GLUD1: variants seen among roughly 807,000 people sequenced by gnomAD.
GLUD1 encodes the protein glutamate dehydrogenase 1.
GLUD1 carries 22 observed loss-of-function variants against 56.0 expected under a neutral mutation model. The observed-to-expected ratio is 0.39, with a 90% CI of 0.28 to 0.56. The LOEUF is 0.56. Among genes scored for constraint, GLUD1 ranks in the 20% least tolerant of loss-of-function variants. The pLI is 0.58. For synonymous variants in GLUD1, 223 were observed against 269.9 expected (o/e 0.83, Z 1.70); for missense variants, 451 against 732.0 (o/e 0.62, Z 4.43).
chr10:87,059,196 G>A lies in GLUD1; in HGVS notation c.1356C>T (p.Gly452=). ...WLKNLNHVSY[G]RLTFKYERDS... ...CCCTTTCATATTTGAAGGTCAAACGGCCATAGCTGACATGATTTAGATTCT... is the reference window on the plus strand; with the variant it reads ...CCCTTTCATATTTGAAGGTCAAACGACCATAGCTGACATGATTTAGATTCT... Residue 452 remains glycine, a synonymous_variant, in exon 10 of 13, where the codon GGC becomes GGT. Coordinates refer to ENST00000277865, the MANE Select transcript of GLUD1 (RefSeq NM_005271.5). 6.2e-7 allele frequency: 1 copy of A among 1,613,718 alleles called. No homozygotes were observed. The highest frequency in any genetic ancestry group is 8.5e-7 in the Non-Finnish European group (1 of 1,179,924).
At chr10:87,084,212 A>T (rs1841330811) in intron 1 of GLUD1, among the ~76,000 whole-genome samples, 1 of 152,254 alleles carries the variant, frequency 6.6e-6, no homozygotes, top group Non-Finnish European at 1.5e-5. Context: ...CTTTTAAATC[A>T]TTCCTTCTAT....
At chr10:87,065,925 G>A (rs1564768942) in intron 5 of GLUD1, among the ~76,000 whole-genome samples, 1 of 152,132 alleles carries the variant, frequency 6.6e-6, no homozygotes, top group African/African-American at 2.4e-5. Flanking sequence ...CAGGTGGTCT[G>A]CCCATGTTCC....
At chr10:87,061,691 A>T (rs1442189104) in intron 6 of GLUD1, among the ~76,000 whole-genome samples, 1 of 151,406 alleles carries the variant, frequency 6.6e-6, no homozygotes, top group Non-Finnish European at 1.5e-5. Context: ...ATCTTGGCTC[A>T]CTGCAGCCTC....
chr10:87,064,148 C>T (rs1485421713), intron 5 of GLUD1, among the ~76,000 whole-genome samples: 6 of 152,052 alleles, frequency 3.9e-5, no homozygotes, highest in African/African-American at 1.2e-4. Context: ...CTCCTGACCT[C>T]GTGATCCACC....
At chr10:87,081,467 C>T (rs1359666751) in intron 1 of GLUD1, among the ~76,000 whole-genome samples, 5 of 152,178 alleles carry the variant, frequency 3.3e-5, no homozygotes, top group Non-Finnish European at 5.9e-5. Flanking sequence ...TCACTGAGAA[C>T]GGGCCATGAT....
chr10:87,069,088 CA>C lies in GLUD1; in HGVS notation c.647-932del, dbSNP rs1846151948. Among the ~76,000 whole-genome samples, 5 of 152,028 alleles carry C rather than the reference CA, an allele frequency of 3.3e-5. 1 individual carries two copies. In the South Asian group the frequency reaches 1.0e-3, roughly 32 times the overall value. ...CATATGGAAAAAGGCAGGTTTCATA[CA>C]GCATGTATAACATGTTCCCACTTAT... On this transcript the variant is annotated intron_variant, in intron 4 of 12. Transcript: ENST00000277865.
At chr10:87,052,860 C>T (rs1438779802) in intron 12 of GLUD1, among the ~76,000 whole-genome samples, 1 of 152,120 alleles carries the variant, frequency 6.6e-6, no homozygotes, top group African/African-American at 2.4e-5. Flanking sequence ...CCACCTTCTT[C>T]ACCAATATCT....
intron 11 of GLUD1, among the ~76,000 whole-genome samples, chr10:87,055,033 T>TAATCACTCAG (rs1845729827): frequency 6.6e-6 from 1 of 152,120 alleles, no homozygotes; most frequent in Non-Finnish European, 1.5e-5. Context: ...GGAGAAAATG[T>TAATCACTCAG]GATGTAATCA....
At chr10:87,093,239 G>C (rs372623423) in intron 1 of GLUD1, among the ~76,000 whole-genome samples, 1 of 152,140 alleles carries the variant, frequency 6.6e-6, no homozygotes, top group Admixed American at 6.5e-5. Context: ...CTGAGACATG[G>C]GTCTAGCCCA....
At chr10:87,067,866 C>A in intron 5 of GLUD1, 197 bp downstream of exon 5, 1 of 566,890 alleles carries the variant, frequency 1.8e-6, no homozygotes, top group Non-Finnish European at 3.2e-6. Flanking sequence ...AAGTATAGGG[C>A]AGCATATAAG....
chr10:87,060,603 G>A, intron 8 of GLUD1, 85 bp downstream of exon 8: 1 of 1,524,794 alleles, frequency 6.6e-7, no homozygotes, highest in Non-Finnish European at 9.1e-7. Flanking sequence ...TAAAAAGAAA[G>A]AGAAAACTCA....
intron 4 of GLUD1, among the ~76,000 whole-genome samples, chr10:87,069,514 C>CAAAAAAAAAAAAAAA (rs374019349): frequency 1.6e-5 from 1 of 62,620 alleles, no homozygotes; most frequent in Non-Finnish European, 3.3e-5. Context: ...GACTCTGTTT[C>CAAAAAAAAAAAAAAA]AAAAAAAAAA....
At chr10:87,070,459 G>C (rs1846201126) in intron 4 of GLUD1, among the ~76,000 whole-genome samples, 1 of 152,042 alleles carries the variant, frequency 6.6e-6, no homozygotes, top group South Asian at 2.1e-4. Context: ...ATTAGCTGGG[G>C]GTGGAGGCAC....
In GLUD1 at chr10:87,063,232, C is replaced by A. The variant is rs147488031; in HGVS notation, c.742-397G>T. Among the ~76,000 whole-genome samples the A allele has an allele frequency of 2.8e-3, 420 of 152,132 alleles. 4 individuals carry two copies. Among genetic ancestry groups the A allele is most frequent in the Middle Eastern group, 0.01 (3 of 294 alleles). ...GGTATTCCAGGCACGTGCCACCACG[C>A]CCGGCTAATTTTGTGTTTTTAGTAG... On this transcript the variant is annotated intron_variant, in intron 5 of 12. Coordinates refer to ENST00000277865, the MANE Select transcript of GLUD1 (RefSeq NM_005271.5).
intron 5 of GLUD1, among the ~76,000 whole-genome samples, chr10:87,063,857 A>G (rs936581711): frequency 6.6e-6 from 1 of 150,828 alleles, no homozygotes; most frequent in Non-Finnish European, 1.5e-5. Context: ...AGTCTTCACC[A>G]TCCATCTTTC....
At chr10:87,068,448 C>T (rs572541050) in intron 4 of GLUD1, among the ~76,000 whole-genome samples, 7 of 152,248 alleles carry the variant, frequency 4.6e-5, no homozygotes, top group South Asian at 2.1e-4. Context: ...TCTGAGTGTG[C>T]GACCAGAGGT....
chr10:87,080,071 GCGATT>G (rs1841173263), intron 1 of GLUD1, among the ~76,000 whole-genome samples: 1 of 151,804 alleles, frequency 6.6e-6, no homozygotes, highest in South Asian at 2.1e-4. Flanking sequence ...CCGAGTGCCT[GCGATT>G]GCAGGCGCGC....
chr10:87,080,220 G>A lies in GLUD1; in HGVS notation c.446-3564C>T, dbSNP rs372363999. Among the ~76,000 whole-genome samples, 5 of 152,136 alleles carry A rather than the reference G, an allele frequency of 3.3e-5. No individual in the cohort carries two copies. The East Asian group carries it at 7.8e-4, about 24-fold the overall frequency. ...CTCCGGAGGTGCCAGGATTGCAGAC[G>A]GTGTCTGGTTCACTCAGTGCTCAAT... On this transcript the variant is annotated intron_variant, in intron 1 of 12. Coordinates refer to ENST00000277865, the MANE Select transcript of GLUD1 (RefSeq NM_005271.5).
chr10:87,058,127 C>A (rs1371972231), intron 10 of GLUD1, among the ~76,000 whole-genome samples: 1 of 152,222 alleles, frequency 6.6e-6, no homozygotes, highest in Non-Finnish European at 1.5e-5. Context: ...CTTGGCCTCC[C>A]AAAGTGCTGG....
Sources: gnomAD v4.1 joint callset for allele counts (sites outside exome capture counted in the v4.1 genomes callset) on GRCh38, gnomAD v4.1.1 for gene constraint, MANE v1.5 for transcripts, NCBI Gene and HGNC (gene_info 2026-07-23, HGNC 2026-07-21) for gene names.